The following NBAS variants were observed in gnomAD, a reference collection of about 807,000 sequenced individuals.
NBAS encodes NBAS subunit of NRZ tethering complex.
A neutral mutation model predicts 302.5 loss-of-function variants in NBAS; 219 were observed. The ratio of observed to expected loss-of-function variants is 0.72; its 90% CI spans 0.65 to 0.81. The LOEUF (loss-of-function observed/expected upper bound fraction) is 0.81, where lower values mean the gene tolerates loss of function less well. NBAS is among the 30% of genes least tolerant of loss of function. The pLI is 0.00. For synonymous variants in NBAS, 1,118 were observed against 1,021.6 expected (o/e 1.09, Z -1.80); for missense variants, 2,932 against 2,841.6 (o/e 1.03, Z -0.72).
chr2:14,977,815 A>C, the NBAS span, among the ~76,000 whole-genome samples: 1 of 152,180 alleles, frequency 6.6e-6, no homozygotes, highest in Non-Finnish European at 1.5e-5. Context: ...CTCTCCTCTC[A>C]GGATACCTGA....
the NBAS span, among the ~76,000 whole-genome samples, chr2:15,012,323 G>T: frequency 6.6e-6 from 1 of 151,758 alleles, no homozygotes; most frequent in African/African-American, 2.4e-5. Context: ...CAAAAGAAAA[G>T]GCCTCTTGAA....
At chr2:15,173,601 T>C (rs1372795963) in intron 51 of NBAS, among the ~76,000 whole-genome samples, 1 of 152,234 alleles carries the variant, frequency 6.6e-6, no homozygotes, top group Non-Finnish European at 1.5e-5. Context: ...TTGAATATGA[T>C]ATGCAGTTTC....
At chr2:14,909,136 C>T in the NBAS span, among the ~76,000 whole-genome samples, 14 of 151,758 alleles carry the variant, frequency 9.2e-5, no homozygotes, top group Non-Finnish European at 1.3e-4. Flanking sequence ...ATCGAGACCA[C>T]GGTGAAACCC....
the NBAS span, among the ~76,000 whole-genome samples, chr2:15,038,055 A>AAAAAAGGT: frequency 1.7e-4 from 26 of 150,600 alleles, no homozygotes; most frequent in African/African-American, 6.3e-4. Context: ...CAAACAACCA[A>AAAAAAGGT]AAAAAGGTGG....
chr2:15,030,981 C>G, the NBAS span, among the ~76,000 whole-genome samples: 1 of 152,198 alleles, frequency 6.6e-6, no homozygotes, highest in African/African-American at 2.4e-5. Context: ...ACCGTGTTCT[C>G]CTTTGTCCCC....
chr2:15,397,380 C>T (rs1207736132), intron 26 of NBAS: 3 of 283,780 alleles, frequency 1.1e-5, no homozygotes, highest in Non-Finnish European at 2.0e-5. Flanking sequence ...GTACAATTTC[C>T]ATTGTATTTT....
chr2:14,892,497 C>T, the NBAS span, among the ~76,000 whole-genome samples: 1 of 151,596 alleles, frequency 6.6e-6, no homozygotes, highest in Admixed American at 6.6e-5. Context: ...CGCTTCTCTT[C>T]CAAGGAAATC....
intron 48 of NBAS, among the ~76,000 whole-genome samples, chr2:15,193,186 T>C (rs1273737060): frequency 1.3e-5 from 2 of 152,178 alleles, no homozygotes; most frequent in Non-Finnish European, 2.9e-5. Flanking sequence ...TCTTCTAATG[T>C]CCACTAATCA....
chr2:15,245,173 A>G (rs541352985), intron 44 of NBAS, among the ~76,000 whole-genome samples: 2 of 152,070 alleles, frequency 1.3e-5, no homozygotes, highest in East Asian at 3.9e-4. Context: ...TTCCCAACTC[A>G]CTAAGAATAA....
intron 21 of NBAS, among the ~76,000 whole-genome samples, chr2:15,453,872 G>C (rs1374410901): frequency 6.6e-6 from 1 of 151,908 alleles, no homozygotes. Context: ...TCCACCTCCT[G>C]GGGTCAAGCG....
At chr2:15,407,180 T>C (rs1676456202) in intron 25 of NBAS, among the ~76,000 whole-genome samples, 1 of 152,230 alleles carries the variant, frequency 6.6e-6, no homozygotes, top group East Asian at 1.9e-4. Flanking sequence ...AAAATTTTAT[T>C]AGATTTAGAT....
chr2:14,976,733 A>G, the NBAS span, among the ~76,000 whole-genome samples: 1 of 152,184 alleles, frequency 6.6e-6, no homozygotes, highest in Non-Finnish European at 1.5e-5. Context: ...AATAACAAGC[A>G]CCCTTGCAAG....
rs1676893648 is a variant in NBAS, at chr2:15,415,658, C to A, written c.2825G>T (p.Cys942Phe). The part of the protein sequence containing the change: ...YQWMVPFLHR[C>F]EKQSPGVANE... ...AGCCACACCAGGCGACTGTTTCTCA[C>A]AACGATGAAGAAAGGGAACCATCCA... Residue 942 changes from cysteine to phenylalanine, a missense_variant, in exon 25 of 52, where the codon TGT becomes TTT. Coordinates refer to ENST00000281513, the MANE Select transcript of NBAS (RefSeq NM_015909.4). 6.2e-7 allele frequency: 1 copy of A among 1,614,124 alleles called. No homozygotes were observed. Among genetic ancestry groups the A allele is most frequent in the African/African-American group, 1.3e-5 (1 of 75,036 alleles).
chr2:14,939,664 A>C, the NBAS span, among the ~76,000 whole-genome samples: 1 of 152,228 alleles, frequency 6.6e-6, no homozygotes, highest in African/African-American at 2.4e-5. Flanking sequence ...AAGTGAGACT[A>C]AACTAAGTAA....
chr2:14,786,929 G>C, the NBAS span, among the ~76,000 whole-genome samples: 2 of 152,148 alleles, frequency 1.3e-5, no homozygotes, highest in African/African-American at 4.8e-5. Flanking sequence ...GGGTGTTAAA[G>C]TCTCCCATTA....
chr2:15,424,470 T>G lies in NBAS; in HGVS notation c.2424-2A>C. 1.2e-6 allele frequency: 2 copies of G among 1,614,070 alleles called. No individual in the cohort carries two copies. The highest frequency in any genetic ancestry group is 1.7e-6 in the Non-Finnish European group (2 of 1,179,936). The stretch of plus-strand genomic sequence containing the variant: ...TGGAGATTCGGCTCAACAACCATTC[T>G]GTGAAGCACAAAAGGACCAATTAAT... On this transcript the variant is annotated splice_acceptor_variant, in intron 22 of 51. Transcript: ENST00000281513. LOFTEE classifies it high-confidence loss of function.
chr2:15,354,521 T>G (rs781339195), intron 33 of NBAS, among the ~76,000 whole-genome samples: 1 of 152,232 alleles, frequency 6.6e-6, no homozygotes, highest in Non-Finnish European at 1.5e-5. Context: ...TTTAGATCAG[T>G]ACATTTTCAC....
chr2:15,263,112 C>G (rs914342923), intron 44 of NBAS, among the ~76,000 whole-genome samples: 2 of 152,150 alleles, frequency 1.3e-5, no homozygotes, highest in Non-Finnish European at 2.9e-5. Context: ...ACTTCTGTTC[C>G]TTTCTCCAAT....
intron 35 of NBAS, among the ~76,000 whole-genome samples, chr2:15,347,349 A>G (rs1029506485): frequency 6.6e-6 from 1 of 152,222 alleles, no homozygotes; most frequent in African/African-American, 2.4e-5. Flanking sequence ...TTTTACATCA[A>G]TGTTCAGAGC....
Sources: gnomAD v4.1 joint callset for allele counts (sites outside exome capture counted in the v4.1 genomes callset) on GRCh38, gnomAD v4.1.1 for gene constraint, MANE v1.5 for transcripts, NCBI Gene and HGNC (gene_info 2026-07-23, HGNC 2026-07-21) for gene names.